The following DOK4 variants were observed in gnomAD, a reference collection of about 807,000 sequenced individuals.
The protein encoded by DOK4 is downstream of tyrosine kinase 4.
DOK4 carries 26 observed loss-of-function variants against 40.1 expected under a neutral mutation model. That is an observed-to-expected ratio of 0.65 (90% CI 0.48 to 0.90). The LOEUF (loss-of-function observed/expected upper bound fraction) is 0.90, where lower values mean the gene tolerates loss of function less well. Ranked by LOEUF, DOK4 falls within the 40% of genes least tolerant of loss-of-function variation. DOK4 has a pLI of 0.00. For missense variants in DOK4, 392 were observed against 437.2 expected (o/e 0.90, Z 0.92); for synonymous variants, 179 against 177.0 (o/e 1.01, Z -0.09).
chr16:57,473,301 G>A (rs538234898), exon 9 of DOK4: 3 of 1,524,656 alleles, frequency 2.0e-6, no homozygotes, highest in Non-Finnish European at 2.6e-6. Flanking sequence ...AGCCCCCTGA[G>A]GCTGTCCACG....
exon 5 of DOK4, chr16:57,475,147 A>G: frequency 6.2e-7 from 1 of 1,613,156 alleles, no homozygotes; most frequent in South Asian, 1.1e-5. Flanking sequence ...AGGTTCTCCC[A>G]GACTGATGTC....
rs749513705 is a variant in DOK4 at position 57,479,426 on chromosome 16, G to T, written c.66+16C>A. 3.7e-6 allele frequency: 6 copies of T among 1,613,084 alleles called. No homozygotes were observed. The highest frequency in any genetic ancestry group is 1.7e-5 in the Admixed American group (1 of 60,002). On this transcript the variant is annotated intron_variant, in intron 2 of 8. Transcript: ENST00000340099. This position sits in a 1 kb window ranked among gnomAD's most constrained non-coding sequence, Gnocchi z 5.8. ...CATCCCTTGGCAGGGCCCCTCCGCAGCTCAGGGTCACTCACCCCGAGCTTC... is the reference window on the plus strand; with the variant it reads ...CATCCCTTGGCAGGGCCCCTCCGCATCTCAGGGTCACTCACCCCGAGCTTC...
intron 1 of DOK4, chr16:57,480,423 G>A (rs1379723879): frequency 2.0e-5 from 3 of 152,466 alleles, no homozygotes; most frequent in Non-Finnish European, 2.9e-5. Flanking sequence ...GAGTCCAGTG[G>A]GGCGGGCCTC....
chr16:57,473,072 A>T (rs1185032012), exon 9 of DOK4: 1 of 335,014 alleles, frequency 3.0e-6, no homozygotes, highest in Admixed American at 4.4e-5. Flanking sequence ...ATTTGTGTGT[A>T]TTGGTGGGGA....
chr16:57,475,705 C>CCTCT, intron 3 of DOK4, 85 bp from the exon 4 acceptor site: 3 of 557,470 alleles, frequency 5.4e-6, no homozygotes, highest in Non-Finnish European at 5.9e-6. Flanking sequence ...TCCCTCCCTC[C>CCTCT]CTCTCTCCCC....
At chr16:57,475,695 TCCCTCCCTCC>T (rs2031137868) in intron 3 of DOK4, 75 bp from the exon 4 acceptor site, 5 of 738,232 alleles carry the variant, frequency 6.8e-6, no homozygotes, top group African/African-American at 2.6e-5. Context: ...TCTCTCTCTC[TCCCTCCCTCC>T]CTCTCTCCCC....
At position 57,475,346 on chromosome 16, in the gene DOK4, C is replaced by G; in HGVS notation, c.290-127G>C. The G allele has an allele frequency of 5.3e-6, 8 of 1,497,254 alleles. No individual in the cohort carries two copies. The South Asian group carries it at 1.0e-4, about 19-fold the overall frequency. The allele number at this position is 1,497,254 out of a possible 1,614,324, so 92.7% of individuals were successfully genotyped here. On this transcript the variant is annotated intron_variant, in intron 4 of 8. Transcript: ENST00000340099. ...CAGTGGGTTCTGCCTGCCTGTCTTG[C>G]CTCAACCCTGAGGGCCTGCTCCCTG...
Position 57,479,470 on chromosome 16 carries a change from T to A in DOK4, c.38A>T (p.Tyr13Phe). 6.2e-7 allele frequency: 1 copy of A among 1,613,796 alleles called. No individual in the cohort carries two copies. Among genetic ancestry groups the A allele is most frequent in the Non-Finnish European group, 8.5e-7 (1 of 1,179,914 alleles). Residue 13 changes from tyrosine (Y) to phenylalanine (F), a missense_variant, in exon 2 of 9, where the codon TAC becomes TTC. Transcript: ENST00000340099. The surrounding 1 kb of genome is among the most constrained non-coding windows in gnomAD (Gnocchi z 5.8). ...GAGCTTCCTGCTCTTCATCTTCACGTAGCCTTGCTTGACGATGTCACTGAA... is the reference window on the plus strand; with the variant it reads ...GAGCTTCCTGCTCTTCATCTTCACGAAGCCTTGCTTGACGATGTCACTGAA...
chr16:57,474,714 G>A, intron 6 of DOK4, 79 bp downstream of exon 6: 2 of 1,539,346 alleles, frequency 1.3e-6, no homozygotes, highest in Non-Finnish European at 1.8e-6. Flanking sequence ...CAAGCTCCTA[G>A]CACAGTGCCC....
At chr16:57,475,400 A>C in intron 4 of DOK4, 106 bp downstream of exon 4, 1 of 1,363,190 alleles carries the variant, frequency 7.3e-7, no homozygotes, top group Non-Finnish European at 1.0e-6. Flanking sequence ...CACACACCAC[A>C]CCACCATCTC....
exon 6 of DOK4, chr16:57,474,980 G>T: frequency 1.2e-6 from 2 of 1,606,902 alleles, no homozygotes; most frequent in South Asian, 1.1e-5. Context: ...ACATTGAAGC[G>T]ATCTGGAGTG....
intron 1 of DOK4, among the ~76,000 whole-genome samples, chr16:57,482,142 G>A (rs1475096523): frequency 6.6e-6 from 1 of 151,688 alleles, no homozygotes; most frequent in African/African-American, 2.4e-5. Flanking sequence ...GGGATTACAG[G>A]CGTGAGCCAC....
At chr16:57,486,599 T>A (rs1197313728), upstream of DOK4, 1 of 151,352 alleles carries the variant, frequency 6.6e-6, no homozygotes, top group Non-Finnish European at 1.5e-5. Context: ...CGCGCGATTC[T>A]GCCCTGGCGC....
In DOK4 at chr16:57,475,864, G is replaced by A. The variant is rs763137270; in HGVS notation, c.160C>T (p.Arg54Trp). The change falls in exon 3 of 9, where the codon CGG (arginine) becomes TGG (tryptophan). Residue 54 changes from arginine to tryptophan, a missense_variant. Transcript: ENST00000340099. The stretch of plus-strand genomic sequence containing the variant: ...GGCCTCCTAACCTTGGGGCAGCCCC[G>A]GAGGCACACCGACTTCTCATCTGGA... The A allele has an allele frequency of 8.1e-6, 13 of 1,612,168 alleles. No homozygotes were observed. The East Asian group carries it at 9.0e-5, about 11-fold the overall frequency.
exon 9 of DOK4, chr16:57,473,399 T>G: frequency 6.2e-7 from 1 of 1,614,010 alleles, no homozygotes; most frequent in Non-Finnish European, 8.5e-7. Context: ...GGTCTTGGCC[T>G]CACTGCTGTC....
In DOK4 at chr16:57,475,660, A is replaced by ATC. The variant is rs745508207; in HGVS notation, c.175-42_175-41dup. The stretch of plus-strand genomic sequence containing the variant: ...ACAAGGGACTTAGCCAGGCCAGTGC[A>ATC]TCTCTCTCTCTCTCTCTCTCTCTCT... On this transcript the variant is annotated intron_variant, in intron 3 of 8. Coordinates refer to ENST00000340099, the Ensembl canonical transcript of DOK4. 4.5e-3 allele frequency: 2,136 copies of ATC among 475,786 alleles called. 2 individuals carry two copies. The highest frequency in any genetic ancestry group is 9.9e-3 in the Admixed American group (239 of 24,132). The allele number at this position is 475,786 out of a possible 1,614,324, so 29.5% of individuals were successfully genotyped here. A position where few individuals can be genotyped will look rare whatever the true frequency, so the allele number is the denominator to read the frequency against.
chr16:57,474,272 C>T (rs1019657380), intron 6 of DOK4, among the ~76,000 whole-genome samples: 19 of 152,196 alleles, frequency 1.2e-4, no homozygotes, highest in African/African-American at 4.6e-4. Context: ...CTACCACCTC[C>T]CTCTGGTCTC....
intron 4 of DOK4, 99 bp from the exon 5 acceptor site, chr16:57,475,318 G>A: frequency 5.2e-6 from 8 of 1,544,028 alleles, no homozygotes; most frequent in Non-Finnish European, 6.1e-6. Flanking sequence ...GGGAGGGTAA[G>A]GACAGTGGGT....
In DOK4 at chr16:57,473,502, G is replaced by A; in HGVS notation, c.863-7C>T. On this transcript the variant is annotated splice_polypyrimidine_tract_variant and splice_region_variant and intron_variant, in intron 8 of 8. Coordinates refer to ENST00000340099, the Ensembl canonical transcript of DOK4. ...GCTGCCCCATACCCCTCACCTGTGG[G>A]CACAGAAGCAGGCTCAGAACTCAGA... 2 of 1,614,204 alleles carry A rather than the reference G, an allele frequency of 1.2e-6. No homozygotes were observed. The highest frequency in any genetic ancestry group is 2.2e-5 in the South Asian group (2 of 91,088).
Sources: gnomAD v4.1 joint callset for allele counts (sites outside exome capture counted in the v4.1 genomes callset) on GRCh38, gnomAD v4.1.1 for gene constraint, Gnocchi (gnomAD v3.1) non-coding constraint, MANE v1.5 for transcripts, NCBI Gene and HGNC (gene_info 2026-07-23, HGNC 2026-07-21) for gene names.